Variants in ENPP6 observed in about 807,000 individuals in gnomAD.
ENPP6 encodes the protein ectonucleotide pyrophosphatase/phosphodiesterase 6, also known as glycerophosphocholine cholinephosphodiesterase ENPP6.
In ENPP6, 32 loss-of-function variants were observed where a neutral mutation model predicts 42.0. The ratio of observed to expected loss-of-function variants is 0.76; its 90% CI spans 0.58 to 1.02. ENPP6 has a LOEUF of 1.02. Among genes scored for constraint, ENPP6 ranks in the 50% least tolerant of loss-of-function variants. ENPP6 has a pLI of 0.00. For missense variants in ENPP6, 552 were observed against 566.8 expected (o/e 0.97, Z 0.27); for synonymous variants, 213 against 216.0 (o/e 0.99, Z 0.12).
At chr4:184,194,730 C>T (rs4862328) in intron 1 of ENPP6, among the ~76,000 whole-genome samples, 72,797 of 152,006 alleles carry the variant, frequency 0.48, 19,248 homozygotes, top group East Asian at 0.95. Context: ...GCAGAACCCA[C>T]ACGGGAGGAC....
intron 2 of ENPP6, among the ~76,000 whole-genome samples, chr4:184,139,346 GT>G (rs1185153039): frequency 0.03 from 4,479 of 149,186 alleles, 237 homozygotes; most frequent in African/African-American, 0.1. Flanking sequence ...TTTTTTTTTA[GT>G]TTTTTTTTTA....
intron 1 of ENPP6, among the ~76,000 whole-genome samples, chr4:184,176,536 G>A (rs779905046): frequency 1.3e-5 from 2 of 152,102 alleles, no homozygotes; most frequent in East Asian, 1.9e-4. Context: ...CCAGTGGGCC[G>A]CAGTGAGCAC....
At position 184,089,651 on chromosome 4, in the gene ENPP6, A is replaced by G. The variant is rs1190342854; in HGVS notation, c.*1526T>C. 6.6e-6 allele frequency: 1 copy of G among 151,818 alleles called. No homozygotes were observed. Among genetic ancestry groups the G allele is most frequent in the Non-Finnish European group, 1.5e-5 (1 of 67,970 alleles). 9.4% of individuals were successfully genotyped at this position (151,818 alleles called of 1,614,324 possible). On this transcript the variant is annotated 3_prime_UTR_variant, in exon 8 of 8. Coordinates refer to ENST00000296741, the MANE Select transcript of ENPP6 (RefSeq NM_153343.4). The stretch of plus-strand genomic sequence containing the variant: ...CCACCATGCCTGGCTAATTTTTTAA[A>G]AATCTTTTATGTTTTGTAGAGATGG...
chr4:184,121,380 C>T (rs1470826291), intron 3 of ENPP6, among the ~76,000 whole-genome samples: 1 of 152,236 alleles, frequency 6.6e-6, no homozygotes, highest in Non-Finnish European at 1.5e-5. Context: ...TGTTCAAGAT[C>T]TTAACAGCCT....
chr4:184,158,802 G>T (rs1049345968), intron 1 of ENPP6, among the ~76,000 whole-genome samples: 1 of 151,964 alleles, frequency 6.6e-6, no homozygotes, highest in Non-Finnish European at 1.5e-5. Context: ...ACTTCCTCTG[G>T]GACAACTGCA....
intron 1 of ENPP6, among the ~76,000 whole-genome samples, chr4:184,191,181 T>G (rs1732708856): frequency 6.6e-6 from 1 of 152,262 alleles, no homozygotes; most frequent in South Asian, 2.1e-4. Flanking sequence ...AGCATGATGT[T>G]GTGGGGAGCA....
At position 184,131,257 on chromosome 4, in the gene ENPP6, T is replaced by C. The variant is rs1244541037; in HGVS notation, c.422-6985A>G. ...TTCCTTTTCTTTCTTTCTTTCTCTT[T>C]CTCTTCCTTCCTTCCTTCCTTCCTT... On this transcript the variant is annotated intron_variant, in intron 2 of 7. Transcript: ENST00000296741. 1.9e-3 allele frequency among the ~76,000 whole-genome samples: 55 copies of C among 29,598 alleles called. 2 individuals carry two copies. The highest frequency in any genetic ancestry group is 0.013 in the Middle Eastern group (1 of 78). 19.4% of individuals were successfully genotyped at this position (29,598 alleles called of 152,430 possible). A position where few individuals can be genotyped will look rare whatever the true frequency, so the allele number is the denominator to read the frequency against.
rs909805474 is a variant in ENPP6 at position 184,201,234 on chromosome 4, G to A, written c.241+16345C>T. On this transcript the variant is annotated intron_variant, in intron 1 of 7. Coordinates refer to ENST00000296741, the MANE Select transcript of ENPP6 (RefSeq NM_153343.4). ...CAGGTGTTGCTGAAGGTGTCTCTGA[G>A]ATGAATGTTAACCTGCTGAGTCAGG... 4.8e-4 allele frequency among the ~76,000 whole-genome samples: 73 copies of A among 152,192 alleles called. 1 individual carries two copies. The highest frequency in any genetic ancestry group is 1.6e-3 in the African/African-American group (66 of 41,434).
At position 184,188,446 on chromosome 4, in the gene ENPP6, C is replaced by A. The variant is rs73009730; in HGVS notation, c.241+29133G>T. 9.4e-3 allele frequency among the ~76,000 whole-genome samples: 1,437 copies of A among 152,248 alleles called. 23 individuals are homozygous for A. The highest frequency in any genetic ancestry group is 0.033 in the African/African-American group (1,359 of 41,552). On this transcript the variant is annotated intron_variant, in intron 1 of 7. Transcript: ENST00000296741. ...TTTCACCCCCATCCCCCCAAATTGA[C>A]GATCTGGGGTCCCACGCTCTGCTTG...
intron 2 of ENPP6, among the ~76,000 whole-genome samples, chr4:184,137,825 A>T (rs1736754999): frequency 6.6e-6 from 1 of 151,966 alleles, no homozygotes; most frequent in Non-Finnish European, 1.5e-5. Flanking sequence ...ATGTCTCTTG[A>T]CCTCTCAACT....
intron 1 of ENPP6, among the ~76,000 whole-genome samples, chr4:184,172,124 G>T (rs1298496136): frequency 6.6e-6 from 1 of 152,164 alleles, no homozygotes; most frequent in East Asian, 1.9e-4. Context: ...GGGCGAGAGG[G>T]TGGGAAGGAA....
At chr4:184,120,831 C>T (rs759806970) in intron 3 of ENPP6, among the ~76,000 whole-genome samples, 2 of 152,192 alleles carry the variant, frequency 1.3e-5, no homozygotes, top group Non-Finnish European at 2.9e-5. Context: ...TCTGGACTCC[C>T]TGTCGCTGTC....
At chr4:184,217,550 C>T in intron 1 of ENPP6, 29 bp downstream of exon 1, 3 of 1,611,100 alleles carry the variant, frequency 1.9e-6, no homozygotes, top group Non-Finnish European at 2.5e-6. Flanking sequence ...GCCCTCCCCT[C>T]CCTGCCCAGA....
At chr4:184,154,298 A>G (rs1269217234) in intron 1 of ENPP6, among the ~76,000 whole-genome samples, 1 of 152,266 alleles carries the variant, frequency 6.6e-6, no homozygotes, top group East Asian at 1.9e-4. Context: ...ATGCAGTGTT[A>G]TACAGAAACG....
intron 1 of ENPP6, among the ~76,000 whole-genome samples, chr4:184,158,515 A>G (rs1737210733): frequency 6.6e-6 from 1 of 152,238 alleles, no homozygotes; most frequent in Non-Finnish European, 1.5e-5. Flanking sequence ...GAAGTGTACA[A>G]TTATAATTTA....
At chr4:184,130,190 A>G (rs2111356426) in intron 2 of ENPP6, among the ~76,000 whole-genome samples, 1 of 152,288 alleles carries the variant, frequency 6.6e-6, no homozygotes, top group East Asian at 1.9e-4. Flanking sequence ...CTGGGTCTGC[A>G]GCAGCTGCCT....
rs183690654 is a variant in ENPP6 at position 184,100,448 on chromosome 4, T to G, written c.994-3080A>C. 3.2e-3 allele frequency among the ~76,000 whole-genome samples: 487 copies of G among 152,292 alleles called. 2 individuals carry two copies. Among genetic ancestry groups the G allele is most frequent in the African/African-American group, 0.011 (463 of 41,578 alleles). On this transcript the variant is annotated intron_variant, in intron 6 of 7. Transcript: ENST00000296741. ...TGGCCTGCTGACCCCATCCAGCCAC[T>G]GCGGGGCCCAGGGACTGCCACACAG...
intron 2 of ENPP6, among the ~76,000 whole-genome samples, chr4:184,142,024 A>G (rs1209347517): frequency 1.3e-5 from 2 of 152,188 alleles, no homozygotes; most frequent in African/African-American, 4.8e-5. Context: ...TACAGCTGAG[A>G]AAACAGAGGC....
chr4:184,144,747 C>T (rs1736890359), intron 2 of ENPP6, among the ~76,000 whole-genome samples: 1 of 152,220 alleles, frequency 6.6e-6, no homozygotes, highest in African/African-American at 2.4e-5. Context: ...TCCGAGCAGG[C>T]AGGACACTGG....
Sources: allele counts gnomAD v4.1 joint callset (sites outside exome capture counted in the v4.1 genomes callset), GRCh38; gene constraint gnomAD v4.1.1; transcripts MANE v1.5; gene names NCBI Gene and HGNC (gene_info 2026-07-23, HGNC 2026-07-21).